The following LIN9 variants were observed in gnomAD, a reference collection of about 807,000 sequenced individuals.
LIN9 encodes lin-9 DREAM MuvB core complex component, also known as protein lin-9 homolog.
LIN9 carries 18 observed loss-of-function variants against 78.0 expected under a neutral mutation model. That is an observed-to-expected ratio of 0.23 (90% confidence interval 0.16 to 0.34). LIN9 has a LOEUF of 0.34. Among genes scored for constraint, LIN9 ranks in the 10% least tolerant of loss-of-function variants. The pLI is 1.00. For synonymous variants in LIN9, 192 were observed against 215.2 expected (o/e 0.89, Z 0.94); for missense variants, 451 against 644.1 (o/e 0.70, Z 3.25).
intron 1 of LIN9, 162 bp downstream of exon 1, chr1:226,308,947 C>A (rs1231045973): frequency 1.8e-6 from 1 of 563,872 alleles, no homozygotes; most frequent in Non-Finnish European, 2.6e-6. Context: ...ACAAAGGCGG[C>A]GACGCGGCGG....
intron 2 of LIN9, 51 bp downstream of exon 2, chr1:226,301,122 A>C: frequency 1.5e-6 from 2 of 1,376,234 alleles, no homozygotes; most frequent in Non-Finnish European, 2.0e-6. Flanking sequence ...AGATTAATTT[A>C]ACAAATTAGA....
At chr1:226,309,713 C>T (rs1233606631), upstream of LIN9, 2 of 1,287,660 alleles carry the variant, frequency 1.6e-6, no homozygotes, top group African/African-American at 3.0e-5. Context: ...CGCGTCGCGA[C>T]GTCCGGGACT....
At chr1:226,302,724 ATC>A (rs1662640241) in intron 1 of LIN9, among the ~76,000 whole-genome samples, 1 of 152,204 alleles carries the variant, frequency 6.6e-6, no homozygotes, top group African/African-American at 2.4e-5. Flanking sequence ...AGGAACAAAA[ATC>A]AGAGAGGACG....
At chr1:226,281,016 T>C (rs553266828) in intron 6 of LIN9, among the ~76,000 whole-genome samples, 2 of 152,352 alleles carry the variant, frequency 1.3e-5, no homozygotes, top group South Asian at 2.1e-4. Context: ...GGAATCACCC[T>C]AAGCGTCCAT....
intron 6 of LIN9, among the ~76,000 whole-genome samples, chr1:226,280,751 G>A (rs530195836): frequency 1.3e-5 from 2 of 152,194 alleles, no homozygotes; most frequent in African/African-American, 4.8e-5. Flanking sequence ...CTCCAGCCTG[G>A]CAACAGAGCG....
intron 5 of LIN9, among the ~76,000 whole-genome samples, chr1:226,287,063 A>G (rs1233576715): frequency 6.6e-6 from 1 of 152,174 alleles, no homozygotes; most frequent in African/African-American, 2.4e-5. Context: ...GGCAATTGGT[A>G]TAGAAAACAG....
chr1:226,267,440 A>AAG, intron 8 of LIN9, among the ~76,000 whole-genome samples: 1 of 150,168 alleles, frequency 6.7e-6, no homozygotes, highest in East Asian at 1.9e-4. Context: ...AAAAAAAAAA[A>AAG]AGATCTCAAT....
rs753740673 is a variant in LIN9, at chr1:226,239,052, A to G, written c.1164T>C (p.Tyr388=). The change falls in exon 12 of 15, where the codon TAT becomes TAC. Residue 388 remains tyrosine, a synonymous_variant. Transcript: ENST00000681046. ...GTTCAAGCTCCAGAACAATTGTTGC[A>G]TATCTCCGCTGAAATTCAATGCTGA... is the stretch of plus-strand genomic sequence containing the variant. The part of the protein sequence containing the change: ...MPISIEFQRR[Y]ATIVLELEQL... The G allele has an allele frequency of 9.3e-6, 15 of 1,613,726 alleles. No individual in the cohort carries two copies. In the African/African-American group the frequency reaches 1.6e-4, roughly 17 times the overall value.
At chr1:226,243,497 C>A (rs1490040812) in intron 11 of LIN9, among the ~76,000 whole-genome samples, 4 of 152,046 alleles carry the variant, frequency 2.6e-5, no homozygotes, top group African/African-American at 9.7e-5. Context: ...GAGTTCGAGA[C>A]CAGCCTGGCC....
intron 4 of LIN9, among the ~76,000 whole-genome samples, chr1:226,289,592 G>A (rs1006814235): frequency 6.6e-6 from 1 of 151,986 alleles, no homozygotes; most frequent in African/African-American, 2.4e-5. Context: ...AAACTCCTGG[G>A]CTCAAGCGAT....
chr1:226,257,289 TTA>T (rs1659267304), intron 10 of LIN9, among the ~76,000 whole-genome samples: 1 of 152,154 alleles, frequency 6.6e-6, no homozygotes, highest in Non-Finnish European at 1.5e-5. Flanking sequence ...AAAGAAAATT[TTA>T]TATGTCAGAA....
chr1:226,283,640 T>A (rs1459656511), intron 6 of LIN9, among the ~76,000 whole-genome samples: 1 of 152,094 alleles, frequency 6.6e-6, no homozygotes, highest in Non-Finnish European at 1.5e-5. Context: ...CTTTTATGGC[T>A]CCTAGGTTTG....
At chr1:226,289,100 G>A (rs1036841930) in intron 4 of LIN9, among the ~76,000 whole-genome samples, 2 of 152,054 alleles carry the variant, frequency 1.3e-5, no homozygotes, top group African/African-American at 4.8e-5. Flanking sequence ...GCCGGGCGTG[G>A]TGGCTGTGCC....
Position 226,266,317 on chromosome 1 carries a change from C to G in LIN9, c.832G>C (p.Glu278Gln). ...DYEVLSNEPH[E>Q]TMPIAAFGQK... ...CCAAAGGCAGCAATTGGCATTGTCT[C>G]ATGAGGTTCATTACTCTGAGAAAAC... The change falls in exon 9 of 15, where the codon GAG becomes CAG. Residue 278 changes from glutamate to glutamine, a missense_variant. Glu to Gln is a conservative substitution (Grantham distance 29). Coordinates refer to ENST00000681046, the MANE Select transcript of LIN9 (RefSeq NM_001366245.2). The G allele has an allele frequency of 6.3e-7, 1 of 1,596,882 alleles. No individual in the cohort carries two copies. Among genetic ancestry groups the G allele is most frequent in the Middle Eastern group, 1.7e-4 (1 of 5,974 alleles).
intron 10 of LIN9, among the ~76,000 whole-genome samples, chr1:226,251,580 T>C (rs1373262346): frequency 2.0e-5 from 3 of 152,222 alleles, no homozygotes; most frequent in Non-Finnish European, 4.4e-5. Context: ...CAGACTGGTC[T>C]CGAACTCCTG....
At chr1:226,281,692 C>T (rs2102956345) in intron 6 of LIN9, among the ~76,000 whole-genome samples, 1 of 150,574 alleles carries the variant, frequency 6.6e-6, no homozygotes, top group African/African-American at 2.4e-5. Context: ...ATTTTTTTTT[C>T]TTTTTCTTTT....
At chr1:226,307,684 TAAAC>T (rs1387256076) in intron 1 of LIN9, among the ~76,000 whole-genome samples, 2 of 152,192 alleles carry the variant, frequency 1.3e-5, no homozygotes, top group African/African-American at 2.4e-5. Flanking sequence ...ATTCTACAAA[TAAAC>T]AGTACAGCTC....
intron 11 of LIN9, among the ~76,000 whole-genome samples, chr1:226,239,719 T>C (rs1558154207): frequency 6.6e-6 from 1 of 152,190 alleles, no homozygotes; most frequent in African/African-American, 2.4e-5. Flanking sequence ...GCTTCCCACA[T>C]AGAAGATGCT....
At chr1:226,262,588 C>T (rs1659658902) in intron 10 of LIN9, among the ~76,000 whole-genome samples, 1 of 152,012 alleles carries the variant, frequency 6.6e-6, no homozygotes. Context: ...AATAAGATAC[C>T]ACAACAAACC....
Sources: allele counts gnomAD v4.1 joint callset (sites outside exome capture counted in the v4.1 genomes callset), GRCh38; gene constraint gnomAD v4.1.1; transcripts MANE v1.5; gene names NCBI Gene and HGNC (gene_info 2026-07-23, HGNC 2026-07-21).